Variants in EFCAB10 observed in about 807,000 individuals in gnomAD.
The protein encoded by EFCAB10 is EF-hand calcium binding domain 10.
Under a neutral mutation model 7.7 loss-of-function variants are expected in EFCAB10, and 7 were observed. The ratio of observed to expected loss-of-function variants is 0.91; its 90% CI spans 0.52 to 1.72. The LOEUF is 1.72. Among genes scored for constraint, EFCAB10 ranks in the 40% most tolerant of loss-of-function variants. EFCAB10 has a pLI of 0.00. For missense variants in EFCAB10, 112 were observed against 61.5 expected (o/e 1.82, Z -2.74); for synonymous variants, 52 against 21.0 (o/e 2.47, Z -4.03).
intron 4 of EFCAB10, chr7:105,565,792 C>T: frequency 5.0e-6 from 3 of 600,774 alleles, no homozygotes; most frequent in South Asian, 4.5e-5. Context: ...TGTATGCTTA[C>T]AGCACAATGG....
chr7:105,565,280 G>T lies in EFCAB10; in HGVS notation c.*167C>A, dbSNP rs775261161. The T allele has an allele frequency of 6.3e-7, 1 of 1,582,692 alleles. No homozygotes were observed. Among genetic ancestry groups the T allele is most frequent in the South Asian group, 1.1e-5 (1 of 87,100 alleles). ...GGTAAAAATGTGTTTTTTCCAGATG[G>T]TTGTCCTTGCCATCTCAGTCAGAGC... On this transcript the variant is annotated 3_prime_UTR_variant, in exon 5 of 5. Transcript: ENST00000480514.
chr7:105,567,851 C>G (rs1791833269), intron 3 of EFCAB10, among the ~76,000 whole-genome samples: 1 of 151,946 alleles, frequency 6.6e-6, no homozygotes, highest in Admixed American at 6.6e-5. Context: ...GCCAACATGT[C>G]AAGACCCTGA....
intron 1 of EFCAB10, among the ~76,000 whole-genome samples, chr7:105,574,178 G>GTA (rs1307599193): frequency 2.8e-5 from 1 of 35,282 alleles, no homozygotes; most frequent in Non-Finnish European, 6.9e-5. Flanking sequence ...ACACCCATAT[G>GTA]TATATATACA....
At chr7:105,567,243 A>G in intron 4 of EFCAB10, 1 of 1,613,674 alleles carries the variant, frequency 6.2e-7, no homozygotes. Flanking sequence ...TGGAATTTAC[A>G]AACTGGCTCA....
At chr7:105,579,190 G>A (rs1792162173) in intron 1 of EFCAB10, among the ~76,000 whole-genome samples, 1 of 152,226 alleles carries the variant, frequency 6.6e-6, no homozygotes, top group South Asian at 2.1e-4. Flanking sequence ...TCCACCAGAA[G>A]AAAGCGGTAA....
chr7:105,577,389 G>C (rs1015412955), intron 1 of EFCAB10, among the ~76,000 whole-genome samples: 1 of 152,208 alleles, frequency 6.6e-6, no homozygotes, highest in African/African-American at 2.4e-5. Flanking sequence ...GAACCTGATA[G>C]GATCTGCAGC....
At chr7:105,570,425 T>TA (rs1009744019) in intron 1 of EFCAB10, among the ~76,000 whole-genome samples, 3 of 151,214 alleles carry the variant, frequency 2.0e-5, no homozygotes, top group Admixed American at 1.3e-4. Context: ...ATTTTAAAAA[T>TA]AAAAAATCAC....
rs1289650103 is a variant in EFCAB10 at position 105,567,487 on chromosome 7, G to A, written c.363C>T (p.Asn121=). Residue 121 remains asparagine, a synonymous_variant, in exon 4 of 5, where the codon AAC becomes AAT. Coordinates refer to ENST00000480514, the MANE Select transcript of EFCAB10 (RefSeq NM_001355526.2). ...CTGACCATATTTCCTTCATCCTCTT[G>A]TTCCTAAGGAAACAAAAACAGAAAA... ...ITLDKFKEEV[N]KRMKEI The A allele has an allele frequency of 1.4e-6, 1 of 703,714 alleles. No homozygotes were observed. The highest frequency in any genetic ancestry group is 2.1e-5 in the Admixed American group (1 of 48,186). The allele number at this position is 703,714 out of a possible 1,614,324, so 43.6% of individuals were successfully genotyped here. A position where few individuals can be genotyped will look rare whatever the true frequency, so the allele number is the denominator to read the frequency against.
intron 3 of EFCAB10, chr7:105,567,737 C>A: frequency 2.3e-6 from 1 of 433,714 alleles, no homozygotes; most frequent in Non-Finnish European, 4.1e-6. Context: ...AACTGTATTT[C>A]CATGAGGAAA....
At chr7:105,565,693 A>C (rs746495199) in intron 4 of EFCAB10, 1 of 1,302,184 alleles carries the variant, frequency 7.7e-7, no homozygotes, top group Non-Finnish European at 1.1e-6. Context: ...TCAAATTGTT[A>C]CAGGAGGCTA....
intron 1 of EFCAB10, chr7:105,573,217 T>C (rs1295138648): frequency 6.6e-6 from 1 of 152,234 alleles, no homozygotes; most frequent in Admixed American, 6.5e-5. Flanking sequence ...AAATCTAATA[T>C]TGTGCCTTAC....
intron 1 of EFCAB10, among the ~76,000 whole-genome samples, chr7:105,579,014 C>T (rs1792156449): frequency 6.6e-6 from 1 of 152,200 alleles, no homozygotes; most frequent in African/African-American, 2.4e-5. Context: ...CTCAAGTGAT[C>T]CACCCGCCTT....
chr7:105,569,618 G>A (rs1791885372), intron 1 of EFCAB10, 47 bp from the exon 2 acceptor site: 2 of 675,700 alleles, frequency 3.0e-6, no homozygotes, highest in Non-Finnish European at 5.3e-6. Context: ...ATTAAAATAT[G>A]TCGCAAATAG....
At chr7:105,574,762 C>A (rs963887104) in intron 1 of EFCAB10, among the ~76,000 whole-genome samples, 1 of 151,656 alleles carries the variant, frequency 6.6e-6, no homozygotes, top group African/African-American at 2.4e-5. Context: ...GGTTTACAAG[C>A]GTGAGCCACT....
At chr7:105,572,469 G>A (rs991677568) in intron 1 of EFCAB10, 6 of 152,172 alleles carry the variant, frequency 3.9e-5, no homozygotes, top group African/African-American at 1.4e-4. Context: ...AGTGGCTATT[G>A]TGAATAGTGC....
At chr7:105,573,614 C>T (rs1444393455) in intron 1 of EFCAB10, 1 of 152,056 alleles carries the variant, frequency 6.6e-6, no homozygotes, top group Admixed American at 6.6e-5. Context: ...TGTTACTAAC[C>T]ACCTATGTTA....
chr7:105,576,041 A>T (rs1355296143), intron 1 of EFCAB10, among the ~76,000 whole-genome samples: 1 of 152,188 alleles, frequency 6.6e-6, no homozygotes, highest in Non-Finnish European at 1.5e-5. Flanking sequence ...CCGTCTCAAC[A>T]AAAAAAGAAA....
At chr7:105,567,690 A>G (rs1791828329) in intron 3 of EFCAB10, 200 bp from the exon 4 acceptor site, 1 of 509,174 alleles carries the variant, frequency 2.0e-6, no homozygotes, top group African/African-American at 2.0e-5. Context: ...TTGAATGCAT[A>G]TTTGTAATTG....
chr7:105,571,436 G>T (rs975924491), intron 1 of EFCAB10: 1 of 152,172 alleles, frequency 6.6e-6, no homozygotes, highest in East Asian at 1.9e-4. Flanking sequence ...GAGATGAAAC[G>T]TAGTTCTACA....
Sources: gnomAD v4.1 joint callset for allele counts (sites outside exome capture counted in the v4.1 genomes callset) on GRCh38, gnomAD v4.1.1 for gene constraint, MANE v1.5 for transcripts, NCBI Gene and HGNC (gene_info 2026-07-23, HGNC 2026-07-21) for gene names.